AHI1: variants seen among roughly 807,000 people sequenced by gnomAD.
AHI1 encodes the protein jouberin.
In AHI1, 123 loss-of-function variants were observed where a neutral mutation model predicts 149.3. That is an observed-to-expected ratio of 0.82 (90% CI 0.71 to 0.96). The LOEUF is 0.96. Ranked by LOEUF, AHI1 falls within the 40% of genes least tolerant of loss-of-function variation. AHI1 has a pLI of 0.00. For missense variants in AHI1, 1,439 were observed against 1,422.7 expected (o/e 1.01, Z -0.18); for synonymous variants, 475 against 459.8 (o/e 1.03, Z -0.42).
chr6:135,363,819 C>A (rs1794367519), intron 23 of AHI1, among the ~76,000 whole-genome samples: 1 of 149,930 alleles, frequency 6.7e-6, no homozygotes, highest in African/African-American at 2.5e-5. Context: ...AGAGGGGCTC[C>A]TCACTTCCCA....
intron 14 of AHI1, among the ~76,000 whole-genome samples, chr6:135,441,818 T>G (rs1255473700): frequency 6.6e-6 from 1 of 152,146 alleles, no homozygotes; most frequent in Non-Finnish European, 1.5e-5. Flanking sequence ...TTTTTAAAAT[T>G]TATTACTATT....
At chr6:135,492,992 A>G (rs1795469316) in intron 3 of AHI1, 1 of 970,404 alleles carries the variant, frequency 1.0e-6, no homozygotes, top group African/African-American at 1.8e-5. Flanking sequence ...GTTAAAAAAA[A>G]AGCTGGTTCA....
chr6:135,288,628 C>T (rs1163953934), intron 28 of AHI1, among the ~76,000 whole-genome samples: 1 of 151,732 alleles, frequency 6.6e-6, no homozygotes, highest in Non-Finnish European at 1.5e-5. Context: ...CTTTTCATGT[C>T]CATAAAAATA....
intron 8 of AHI1, among the ~76,000 whole-genome samples, chr6:135,461,310 A>G (rs2128088896): frequency 1.3e-5 from 2 of 152,180 alleles, no homozygotes; most frequent in East Asian, 3.9e-4. Context: ...AAACATGAAA[A>G]CACTCAACTT....
intron 24 of AHI1, among the ~76,000 whole-genome samples, chr6:135,347,331 A>G (rs1182860396): frequency 1.3e-5 from 2 of 152,212 alleles, no homozygotes; most frequent in African/African-American, 4.8e-5. Context: ...TGTTTCATAC[A>G]TGTTAACTGC....
In AHI1 at chr6:135,490,732, T is replaced by C; in HGVS notation, c.26A>G (p.Lys9Arg). Residue 9 changes from lysine to arginine, a missense_variant, in exon 5 of 29, where the codon AAA becomes AGA. Coordinates refer to ENST00000265602, the MANE Select transcript of AHI1 (RefSeq NM_001134831.2). ...TTCAAAGCGAACTTTGGTTTTTACT[T>C]TTGCTTCACTCTCAGCTACAAAAGA... MPTAESEA[K>R]VKTKVRFEEL... 1 of 1,612,824 alleles carries C rather than the reference T, an allele frequency of 6.2e-7. No homozygotes were observed. The highest frequency in any genetic ancestry group is 8.5e-7 in the Non-Finnish European group (1 of 1,179,440).
At chr6:135,407,121 A>G (rs962031616) in intron 21 of AHI1, among the ~76,000 whole-genome samples, 6 of 152,140 alleles carry the variant, frequency 3.9e-5, no homozygotes, top group Non-Finnish European at 2.9e-5. Context: ...ACAATTATCT[A>G]TTTTTTGTAT....
intron 24 of AHI1, among the ~76,000 whole-genome samples, chr6:135,351,856 C>G (rs554677703): frequency 2.0e-5 from 3 of 152,180 alleles, no homozygotes; most frequent in Non-Finnish European, 4.4e-5. Context: ...AAGACTGGAC[C>G]TGCGCCTCCT....
intron 20 of AHI1, among the ~76,000 whole-genome samples, chr6:135,421,853 A>G (rs1175311703): frequency 6.6e-6 from 1 of 152,202 alleles, no homozygotes; most frequent in Non-Finnish European, 1.5e-5. Context: ...CATGTCTTAA[A>G]ATGTGGCATT....
rs560239161 is a variant in AHI1 at position 135,468,696 on chromosome 6, A to G, written c.136-1062T>C. ...CCATCGACCCCACAGAAATGCAGAC[A>G]ACCATCAGAGAATACTATAAACAAC... On this transcript the variant is annotated intron_variant, in intron 5 of 28. Coordinates refer to ENST00000265602, the MANE Select transcript of AHI1 (RefSeq NM_001134831.2). Among the ~76,000 whole-genome samples the G allele has an allele frequency of 2.0e-5, 3 of 152,306 alleles. No homozygotes were observed. The South Asian group carries it at 6.2e-4, about 32-fold the overall frequency.
At chr6:135,348,657 T>G (rs778572595) in intron 24 of AHI1, among the ~76,000 whole-genome samples, 9 of 152,182 alleles carry the variant, frequency 5.9e-5, no homozygotes, top group Non-Finnish European at 1.3e-4. Flanking sequence ...AGAAAACTTG[T>G]ATGAGGCATT....
chr6:135,334,603 T>C (rs1161819789), intron 24 of AHI1, among the ~76,000 whole-genome samples: 1 of 152,232 alleles, frequency 6.6e-6, no homozygotes, highest in African/African-American at 2.4e-5. Context: ...AAATAATCGG[T>C]ATTACATTGA....
At chr6:135,456,303 G>A (rs867280654) in intron 9 of AHI1, among the ~76,000 whole-genome samples, 1 of 152,182 alleles carries the variant, frequency 6.6e-6, no homozygotes, top group Non-Finnish European at 1.5e-5. Flanking sequence ...CACTTTGGGA[G>A]GCTGAGGCAG....
intron 18 of AHI1, among the ~76,000 whole-genome samples, chr6:135,429,066 T>C (rs1784295652): frequency 6.6e-6 from 1 of 151,700 alleles, no homozygotes; most frequent in South Asian, 2.1e-4. Flanking sequence ...AAATTAATTC[T>C]AGCTATAGAG....
Position 135,396,313 on chromosome 6 carries a change from C to T in AHI1, c.2989-1417G>A, listed in dbSNP as rs73559993. On this transcript the variant is annotated intron_variant, in intron 22 of 28. Coordinates refer to ENST00000265602, the MANE Select transcript of AHI1 (RefSeq NM_001134831.2). ...GATACAATACCTAAAACAACAAACTCATTTGATATCTTTGAGCTTCACTTT... is the reference window on the plus strand; with the variant it reads ...GATACAATACCTAAAACAACAAACTTATTTGATATCTTTGAGCTTCACTTT... Among the ~76,000 whole-genome samples the T allele has an allele frequency of 4.0e-3, 608 of 151,828 alleles. 2 individuals are homozygous for T. Among genetic ancestry groups the T allele is most frequent in the African/African-American group, 0.014 (576 of 41,522 alleles).
At chr6:135,435,663 T>C (rs887926145) in intron 15 of AHI1, among the ~76,000 whole-genome samples, 1 of 152,132 alleles carries the variant, frequency 6.6e-6, no homozygotes, top group African/African-American at 2.4e-5. Flanking sequence ...CAATGGGCAA[T>C]GGGTAAAGTC....
At chr6:135,451,611 G>A (rs2128066702) in intron 11 of AHI1, among the ~76,000 whole-genome samples, 1 of 152,106 alleles carries the variant, frequency 6.6e-6, no homozygotes. Context: ...CTGGGGGGTG[G>A]GGATGGGATA....
At chr6:135,384,042 T>C (rs1410821799) in intron 23 of AHI1, among the ~76,000 whole-genome samples, 1 of 152,222 alleles carries the variant, frequency 6.6e-6, no homozygotes, top group Non-Finnish European at 1.5e-5. Context: ...TATGTTCCGA[T>C]AAAGTAGCTG....
Position 135,323,239 on chromosome 6 carries a change from T to A in AHI1, c.3251A>T (p.Asp1084Val). 1 of 1,613,930 alleles carries A rather than the reference T, an allele frequency of 6.2e-7. No homozygotes were observed. Among genetic ancestry groups the A allele is most frequent in the Non-Finnish European group, 8.5e-7 (1 of 1,179,846 alleles). Residue 1084 changes from aspartate (D) to valine (V), a missense_variant, in exon 25 of 29, where the codon GAT becomes GTT. By Grantham distance (152) the Asp-to-Val change is radical. Transcript: ENST00000265602. ...RGDIIRVFFKDNEDWWYGSIG... is the reference protein window; with the variant it reads ...RGDIIRVFFKVNEDWWYGSIG... The stretch of plus-strand genomic sequence containing the variant: ...GCTGCCATACCACCAGTCTTCATTA[T>A]CTTTGAAAAACACTCGGATAATGTC...
Sources: gnomAD v4.1 joint callset for allele counts (sites outside exome capture counted in the v4.1 genomes callset) on GRCh38, gnomAD v4.1.1 for gene constraint, MANE v1.5 for transcripts, NCBI Gene and HGNC (gene_info 2026-07-23, HGNC 2026-07-21) for gene names.